LRPPRC: variants seen among roughly 807,000 people sequenced by gnomAD.
LRPPRC encodes leucine-rich PPR motif-containing protein, mitochondrial.
A neutral mutation model predicts 180.3 loss-of-function variants in LRPPRC; 120 were observed. The observed-to-expected ratio is 0.67, with a 90% confidence interval of 0.57 to 0.77. The LOEUF (loss-of-function observed/expected upper bound fraction) is 0.77, where lower values mean the gene tolerates loss of function less well. LRPPRC is among the 30% of genes least tolerant of loss of function. LRPPRC has a pLI of 0.00. For missense variants in LRPPRC, 2,012 were observed against 1,657.2 expected (o/e 1.21, Z -3.72); for synonymous variants, 723 against 600.0 (o/e 1.21, Z -3.00).
At chr2:43,962,322 A>T (rs1673380457) in intron 12 of LRPPRC, among the ~76,000 whole-genome samples, 1 of 152,220 alleles carries the variant, frequency 6.6e-6, no homozygotes, top group African/African-American at 2.4e-5. Context: ...CTCCACTAAG[A>T]ACTTAGGGAA....
At chr2:43,900,371 T>G (rs1161785566) in intron 32 of LRPPRC, among the ~76,000 whole-genome samples, 5 of 152,164 alleles carry the variant, frequency 3.3e-5, no homozygotes, top group African/African-American at 1.2e-4. Context: ...AATTATTATA[T>G]TAAACATAAT....
intron 29 of LRPPRC, 120 bp from the exon 30 acceptor site, chr2:43,912,678 C>T: frequency 1.4e-6 from 1 of 704,102 alleles, no homozygotes; most frequent in South Asian, 1.6e-5. Flanking sequence ...TACCAACCCA[C>T]TGTTACCACT....
At chr2:43,905,591 A>C in intron 31 of LRPPRC, 101 bp downstream of exon 31, 1 of 840,404 alleles carries the variant, frequency 1.2e-6, no homozygotes, top group Non-Finnish European at 2.1e-6. Flanking sequence ...ATAAGCAGGT[A>C]ATTTGCTAAA....
Position 43,973,540 on chromosome 2 carries a change from G to A in LRPPRC, c.1369+67C>T, listed in dbSNP as rs1455511434. The A allele has an allele frequency of 1.7e-5, 16 of 941,372 alleles. No individual in the cohort carries two copies. The East Asian group carries it at 3.8e-4, about 22-fold the overall frequency. 58.3% of individuals were successfully genotyped at this position (941,372 alleles called of 1,614,324 possible). A position where few individuals can be genotyped will look rare whatever the true frequency, so the allele number is the denominator to read the frequency against. ...TATGCTTTTCCAAAGAATCCAATTA[G>A]ATGTGCGTGCAAACTGTCATACTGG... is the stretch of plus-strand genomic sequence containing the variant. On this transcript the variant is annotated intron_variant, in intron 11 of 37. Transcript: ENST00000260665.
chr2:43,894,689 C>T (rs1374575475), intron 35 of LRPPRC, 60 bp from the exon 36 acceptor site: 1 of 833,176 alleles, frequency 1.2e-6, no homozygotes, highest in African/African-American at 1.7e-5. Flanking sequence ...AATTAGAACA[C>T]TGACAAATCA....
chr2:43,953,891 C>T (rs1672999878), intron 14 of LRPPRC, among the ~76,000 whole-genome samples: 1 of 152,290 alleles, frequency 6.6e-6, no homozygotes, highest in South Asian at 2.1e-4. Context: ...TCAATAATGG[C>T]CAGGCCGGTG....
chr2:43,973,781 TA>T lies in LRPPRC; in HGVS notation c.1261+13del. 6.2e-7 allele frequency: 1 copy of T among 1,608,002 alleles called. No individual in the cohort carries two copies. The highest frequency in any genetic ancestry group is 8.5e-7 in the Non-Finnish European group (1 of 1,174,428). ...AAACTTCCTTACTTGGCTTTAACTTTAAGAATGTAGTACCAGTTTTATTGGC... is the reference window on the plus strand; with the variant it reads ...AAACTTCCTTACTTGGCTTTAACTTTAGAATGTAGTACCAGTTTTATTGGC... On this transcript the variant is annotated intron_variant, in intron 10 of 37. Coordinates refer to ENST00000260665, the MANE Select transcript of LRPPRC (RefSeq NM_133259.4).
At chr2:43,994,182 A>G (rs1559078731) in intron 1 of LRPPRC, among the ~76,000 whole-genome samples, 1 of 152,234 alleles carries the variant, frequency 6.6e-6, no homozygotes, top group Non-Finnish European at 1.5e-5. Context: ...CAAGAGATGT[A>G]TATAGTTCTG....
chr2:43,980,335 C>G (rs891322088), intron 2 of LRPPRC, among the ~76,000 whole-genome samples: 1 of 152,072 alleles, frequency 6.6e-6, no homozygotes, highest in Non-Finnish European at 1.5e-5. Context: ...AGGCAGATCA[C>G]CTGAGGTCGG....
At chr2:43,917,054 T>A (rs1671498000) in intron 29 of LRPPRC, among the ~76,000 whole-genome samples, 1 of 149,454 alleles carries the variant, frequency 6.7e-6, no homozygotes, top group African/African-American at 2.5e-5. Context: ...TTTTTTTTTT[T>A]TTTTTGAGAC....
intron 31 of LRPPRC, among the ~76,000 whole-genome samples, chr2:43,905,184 G>C (rs1432852486): frequency 6.6e-6 from 1 of 152,078 alleles, no homozygotes; most frequent in Non-Finnish European, 1.5e-5. Context: ...AAAAGTATTA[G>C]ATTAAGTTTT....
At chr2:43,956,112 C>T (rs1347211467) in intron 14 of LRPPRC, among the ~76,000 whole-genome samples, 1 of 148,948 alleles carries the variant, frequency 6.7e-6, no homozygotes. Flanking sequence ...GTAGAAGAGA[C>T]ATTCCAGCCT....
intron 30 of LRPPRC, among the ~76,000 whole-genome samples, chr2:43,909,754 T>C (rs907229880): frequency 6.6e-6 from 1 of 152,082 alleles, no homozygotes; most frequent in Non-Finnish European, 1.5e-5. Context: ...CTGAGATAGA[T>C]ACATTAAATA....
intron 1 of LRPPRC, among the ~76,000 whole-genome samples, chr2:43,989,726 C>T (rs1368191445): frequency 6.6e-6 from 1 of 152,152 alleles, no homozygotes; most frequent in Admixed American, 6.5e-5. Flanking sequence ...AAATGTGTAA[C>T]ATATGTAAAA....
At chr2:43,925,541 G>A (rs923054796) in intron 26 of LRPPRC, among the ~76,000 whole-genome samples, 8 of 152,070 alleles carry the variant, frequency 5.3e-5, no homozygotes, top group Non-Finnish European at 1.2e-4. Context: ...TTGGCATGGT[G>A]CAAACAGGTA....
intron 1 of LRPPRC, among the ~76,000 whole-genome samples, chr2:43,995,098 T>G (rs1275530050): frequency 6.6e-6 from 1 of 151,676 alleles, no homozygotes; most frequent in African/African-American, 2.4e-5. Context: ...AAAGTTAGCC[T>G]GGCATGGTGG....
chr2:43,925,234 A>C, intron 26 of LRPPRC, 77 bp from the exon 27 acceptor site: 1 of 835,452 alleles, frequency 1.2e-6, no homozygotes, highest in Non-Finnish European at 2.1e-6. Context: ...CAGTGGAATA[A>C]TCTTTCAAAT....
intron 14 of LRPPRC, among the ~76,000 whole-genome samples, chr2:43,952,329 T>A (rs1305154184): frequency 1.3e-5 from 2 of 152,164 alleles, no homozygotes; most frequent in African/African-American, 4.8e-5. Flanking sequence ...AGCACTACCT[T>A]GAATGTGAAG....
At chr2:43,935,136 C>T (rs572751985) in intron 23 of LRPPRC, among the ~76,000 whole-genome samples, 1 of 152,260 alleles carries the variant, frequency 6.6e-6, no homozygotes, top group Non-Finnish European at 1.5e-5. Flanking sequence ...TTAAAGGGTA[C>T]TTTATAAAAA....
Sources: gnomAD v4.1 joint callset for allele counts (sites outside exome capture counted in the v4.1 genomes callset) on GRCh38, gnomAD v4.1.1 for gene constraint, MANE v1.5 for transcripts, NCBI Gene and HGNC (gene_info 2026-07-23, HGNC 2026-07-21) for gene names.